RFX1: variants seen among roughly 807,000 people sequenced by gnomAD.
RFX1 encodes the protein regulatory factor X1.
In RFX1, 42 loss-of-function variants were observed where a neutral mutation model predicts 119.6. The observed-to-expected ratio is 0.35, with a 90% CI of 0.27 to 0.45. The LOEUF is 0.45. Among genes scored for constraint, RFX1 ranks in the 20% least tolerant of loss-of-function variants. The probability of loss-of-function intolerance (pLI) is 1.00; values close to 1 mark genes in which losing one functional copy is unlikely to be tolerated. For synonymous variants in RFX1, 628 were observed against 618.5 expected (o/e 1.02, Z -0.23); for missense variants, 1,118 against 1,368.1 (o/e 0.82, Z 2.88).
chr19:13,969,703 G>A lies in RFX1; in HGVS notation c.1496+291C>T, dbSNP rs140670121. 9.7e-4 allele frequency: 351 copies of A among 361,218 alleles called. 1 individual carries two copies. Among genetic ancestry groups the A allele is most frequent in the Admixed American group, 4.0e-3 (93 of 23,366 alleles). The allele number at this position is 361,218 out of a possible 1,614,324, so 22.4% of individuals were successfully genotyped here. A position where few individuals can be genotyped will look rare whatever the true frequency, so the allele number is the denominator to read the frequency against. The stretch of plus-strand genomic sequence containing the variant: ...ACGTGTGAGCGTGCTGAATGCTAAA[G>A]AGAAAAATAAAGCAGGGTTGGGGGG... On this transcript the variant is annotated intron_variant, in intron 10 of 20. Coordinates refer to ENST00000254325, the MANE Select transcript of RFX1 (RefSeq NM_002918.5). This position sits in a 1 kb window ranked among gnomAD's most constrained non-coding sequence, Gnocchi z 4.5.
chr19:13,968,411 AC>A lies in RFX1; in HGVS notation c.1732+153del. 6.6e-6 allele frequency among the ~76,000 whole-genome samples: 1 copy of A among 151,876 alleles called. No individual in the cohort carries two copies. The highest frequency in any genetic ancestry group is 1.5e-5 in the Non-Finnish European group (1 of 67,964). On this transcript the variant is annotated intron_variant, in intron 12 of 20. Transcript: ENST00000254325. This position sits in a 1 kb window ranked among gnomAD's most constrained non-coding sequence, Gnocchi z 5.5. ...GACAGAACTGTCACTGTGGACGGAG[AC>A]TGTGATGTCTCCCCCACCCCCTGCT...
intron 4 of RFX1, chr19:13,982,901 T>C: frequency 6.5e-6 from 3 of 463,674 alleles, no homozygotes; most frequent in South Asian, 2.7e-5. Context: ...AACCTGGCCT[T>C]GGGTTCTCTG....
rs755205255 is a variant in RFX1 at position 13,968,543 on chromosome 19, G to A, written c.1732+22C>T. Reference sequence around the variant, plus strand: ...GGGCAGGGAGGCGGTGGTTGGGGAAGCACGGGCCAGGGAGCTCTCACCCAA... The same window carrying A: ...GGGCAGGGAGGCGGTGGTTGGGGAAACACGGGCCAGGGAGCTCTCACCCAA... On this transcript the variant is annotated intron_variant, in intron 12 of 20. Coordinates refer to ENST00000254325, the MANE Select transcript of RFX1 (RefSeq NM_002918.5). This position sits in a 1 kb window ranked among gnomAD's most constrained non-coding sequence, Gnocchi z 5.5. 3.2e-6 allele frequency: 5 copies of A among 1,581,792 alleles called. No homozygotes were observed. The highest frequency in any genetic ancestry group is 3.5e-6 in the Non-Finnish European group (4 of 1,151,442).
chr19:13,982,446 G>C (rs996466893), intron 4 of RFX1, among the ~76,000 whole-genome samples: 1 of 152,206 alleles, frequency 6.6e-6, no homozygotes, highest in Admixed American at 6.5e-5. Context: ...AGGTCCTAAA[G>C]CCAGGAAGCG....
In RFX1 at chr19:13,978,105, A is replaced by T. The variant is rs1974308179; in HGVS notation, c.835-19T>A. 1 of 1,595,156 alleles carries T rather than the reference A, an allele frequency of 6.3e-7. No individual in the cohort carries two copies. The highest frequency in any genetic ancestry group is 8.6e-7 in the Non-Finnish European group (1 of 1,164,616). ...GCTGCACCTGGGGCAGAGGAAGGGC[A>T]CGTGGAGGGTCAGGGGTGGGCCAGC... On this transcript the variant is annotated intron_variant, in intron 7 of 20. Transcript: ENST00000254325.
chr19:13,994,220 G>C (rs927228910), intron 1 of RFX1, among the ~76,000 whole-genome samples: 2 of 152,040 alleles, frequency 1.3e-5, no homozygotes, highest in African/African-American at 2.4e-5. Context: ...CACTGCGGGG[G>C]AACTTGGGCC....
chr19:13,968,455 C>T lies in RFX1; in HGVS notation c.1732+110G>A. 2.3e-6 allele frequency: 2 copies of T among 857,652 alleles called. No homozygotes were observed. The highest frequency in any genetic ancestry group is 1.6e-5 in the African/African-American group (1 of 60,856). The allele number at this position is 857,652 out of a possible 1,614,324, so 53.1% of individuals were successfully genotyped here. A position where few individuals can be genotyped will look rare whatever the true frequency, so the allele number is the denominator to read the frequency against. Reference sequence around the variant, plus strand: ...CCCCTGCTGGTTCTCGGGCATCTCTCACCAAGCCCTCCCCAGCTCAGAGGC... The same window carrying T: ...CCCCTGCTGGTTCTCGGGCATCTCTTACCAAGCCCTCCCCAGCTCAGAGGC... On this transcript the variant is annotated intron_variant, in intron 12 of 20. Coordinates refer to ENST00000254325, the MANE Select transcript of RFX1 (RefSeq NM_002918.5). The surrounding 1 kb of genome is among the most constrained non-coding windows in gnomAD (Gnocchi z 5.5).
intron 7 of RFX1, 38 bp downstream of exon 7, chr19:13,979,399 CCCGGGACCAG>C: frequency 7.2e-7 from 1 of 1,394,364 alleles, no homozygotes; most frequent in East Asian, 2.5e-5. Context: ...CCAGCCCCAG[CCCGGGACCAG>C]CCCCTTTGCC....
At position 13,966,156 on chromosome 19, in the gene RFX1, T is replaced by C. The variant is rs1198959008; in HGVS notation, c.1961+265A>G. Among the ~76,000 whole-genome samples, 4 of 152,080 alleles carry C rather than the reference T, an allele frequency of 2.6e-5. No homozygotes were observed. Among genetic ancestry groups the C allele is most frequent in the Non-Finnish European group, 1.5e-5 (1 of 67,992 alleles). On this transcript the variant is annotated intron_variant, in intron 14 of 20. Transcript: ENST00000254325. This position sits in a 1 kb window ranked among gnomAD's most constrained non-coding sequence, Gnocchi z 6.3. ...AGGGGTGGGACGGGATCCTATGCCC[T>C]ACCCTCCATACAGGGGTCAAACAGA...
rs1368206033 is a variant in RFX1, at chr19:13,986,550, G to A, written c.320-2955C>T. ...CTGGCCCTCGCTGTGTTTCAGGGAG[G>A]AGAAGCCAGGAGGGGAAGTGGGGGG... On this transcript the variant is annotated intron_variant, in intron 2 of 20. Coordinates refer to ENST00000254325, the MANE Select transcript of RFX1 (RefSeq NM_002918.5). The surrounding 1 kb of genome is among the most constrained non-coding windows in gnomAD (Gnocchi z 4.2). Among the ~76,000 whole-genome samples the A allele has an allele frequency of 6.6e-6, 1 of 152,206 alleles. No homozygotes were observed. The highest frequency in any genetic ancestry group is 1.5e-5 in the Non-Finnish European group (1 of 68,024).
rs1974585615 is a variant in RFX1, at chr19:13,986,123, G to T, written c.320-2528C>A. On this transcript the variant is annotated intron_variant, in intron 2 of 20. Transcript: ENST00000254325. The surrounding 1 kb of genome is among the most constrained non-coding windows in gnomAD (Gnocchi z 4.2). ...TGGGAGAAACCCGAGACAGCCCCGA[G>T]TCATGTGACCGGCACTGCACACCTG... Among the ~76,000 whole-genome samples, 1 of 152,208 alleles carries T rather than the reference G, an allele frequency of 6.6e-6. No individual in the cohort carries two copies.
intron 17 of RFX1, 23 bp downstream of exon 17, chr19:13,963,835 G>GCCCCC: frequency 1.3e-6 from 1 of 777,958 alleles, no homozygotes. Context: ...TCATTCGCCC[G>GCCCCC]CCCCGCCCCG....
intron 1 of RFX1, among the ~76,000 whole-genome samples, chr19:13,994,893 C>CATATAT (rs566150731): frequency 0.01 from 608 of 58,978 alleles, 6 homozygotes; most frequent in East Asian, 0.013. Flanking sequence ...AATATACATA[C>CATATAT]ATATATATAT....
In RFX1 at chr19:13,980,741, C is replaced by CTGGGGTGGGCTCGCATCCTCTT; in HGVS notation, c.622-53_622-52insAAGAGGATGCGAGCCCACCCCA. The CTGGGGTGGGCTCGCATCCTCTT allele has an allele frequency of 7.6e-7, 1 of 1,315,718 alleles. No individual in the cohort carries two copies. The highest frequency in any genetic ancestry group is 1.1e-6 in the Non-Finnish European group (1 of 938,288). 81.5% of individuals were successfully genotyped at this position (1,315,718 alleles called of 1,614,324 possible). Reference sequence around the variant, plus strand: ...CCGCTGGGGTGGGCTTGCATCCTCTCTGAGGTGGGCTCACACACACACCCT... The same window carrying CTGGGGTGGGCTCGCATCCTCTT: ...CCGCTGGGGTGGGCTTGCATCCTCTCTGGGGTGGGCTCGCATCCTCTTTGAGGTGGGCTCACACACACACCCT... On this transcript the variant is annotated intron_variant, in intron 5 of 20. Transcript: ENST00000254325. This position sits in a 1 kb window ranked among gnomAD's most constrained non-coding sequence, Gnocchi z 5.1.
chr19:13,962,489 T>C lies in RFX1; in HGVS notation c.*206A>G. The C allele has an allele frequency of 1.9e-6, 1 of 535,774 alleles. No individual in the cohort carries two copies. Among genetic ancestry groups the C allele is most frequent in the Non-Finnish European group, 3.2e-6 (1 of 308,036 alleles). The allele number at this position is 535,774 out of a possible 1,614,324, so 33.2% of individuals were successfully genotyped here. A position where few individuals can be genotyped will look rare whatever the true frequency, so the allele number is the denominator to read the frequency against. On this transcript the variant is annotated 3_prime_UTR_variant, in exon 21 of 21. Coordinates refer to ENST00000254325, the MANE Select transcript of RFX1 (RefSeq NM_002918.5). ...GCGGCGGGTTCCTTAAGGCACGTCT[T>C]TTGTGTCAGAGTTTGCAGCTGCGGC...
rs1323867791 is a variant in RFX1, at chr19:13,965,429, G to C, written c.2211+20C>G. 3.7e-6 allele frequency: 6 copies of C among 1,606,118 alleles called. No individual in the cohort carries two copies. Among genetic ancestry groups the C allele is most frequent in the Non-Finnish European group, 5.1e-6 (6 of 1,173,530 alleles). On this transcript the variant is annotated intron_variant, in intron 16 of 20. Transcript: ENST00000254325. The surrounding 1 kb of genome is among the most constrained non-coding windows in gnomAD (Gnocchi z 4.7). ...CCTAAGCCCCAGAGATAGGAGAAAG[G>C]GACCCCCTCACACTCTCACCTTCAC...
chr19:13,995,782 C>T (rs1045367350), intron 1 of RFX1, among the ~76,000 whole-genome samples: 1 of 131,496 alleles, frequency 7.6e-6, no homozygotes, highest in Non-Finnish European at 1.5e-5. Context: ...ACCTGGGAGG[C>T]GGAGGTTGCA....
rs770344895 is a variant in RFX1 at position 13,963,591 on chromosome 19, G to A, written c.2517C>T (p.Ser839=). Residue 839 remains serine (S), a synonymous_variant, in exon 18 of 21, where the codon AGC becomes AGT. Transcript: ENST00000254325. ...VSQVLKPYQG[S]AGFPKAAKLF... is the part of the protein sequence containing the mutation. Reference sequence around the variant, plus strand: ...GCTTGGCGGCCTTGGGGAAGCCGGCGCTGCCCTGGTAGGGCTTGAGCACCT... The same window carrying A: ...GCTTGGCGGCCTTGGGGAAGCCGGCACTGCCCTGGTAGGGCTTGAGCACCT... 3 of 1,604,770 alleles carry A rather than the reference G, an allele frequency of 1.9e-6. No individual in the cohort carries two copies. Among genetic ancestry groups the A allele is most frequent in the South Asian group, 2.2e-5 (2 of 90,950 alleles).
At chr19:13,989,633 C>G (rs1239060797) in intron 2 of RFX1, among the ~76,000 whole-genome samples, 1 of 151,850 alleles carries the variant, frequency 6.6e-6, no homozygotes, top group Non-Finnish European at 1.5e-5. Flanking sequence ...CCTTTTTTGT[C>G]AGGTATCGGG....
Sources: gnomAD v4.1 joint callset for allele counts (sites outside exome capture counted in the v4.1 genomes callset) on GRCh38, gnomAD v4.1.1 for gene constraint, Gnocchi (gnomAD v3.1) non-coding constraint, MANE v1.5 for transcripts, NCBI Gene and HGNC (gene_info 2026-07-23, HGNC 2026-07-21) for gene names.